Variants in DAB1 observed in about 807,000 individuals in gnomAD.
The protein encoded by DAB1 is DAB adaptor protein 1.
Under a neutral mutation model 64.6 loss-of-function variants are expected in DAB1, and 15 were observed. That is an observed-to-expected ratio of 0.23 (90% CI 0.16 to 0.36). The LOEUF (loss-of-function observed/expected upper bound fraction) is 0.36, where lower values mean the gene tolerates loss of function less well. Among genes scored for constraint, DAB1 ranks in the 10% least tolerant of loss-of-function variants. DAB1 has a pLI of 1.00. For synonymous variants in DAB1, 235 were observed against 251.9 expected, an observed-to-expected ratio of 0.93 and a Z score of 0.64; for missense variants, 596 against 706.7, an observed-to-expected ratio of 0.84 and a Z score of 1.78.
intron 7 of DAB1, among the ~76,000 whole-genome samples, chr1:57,465,157 G>A (rs896063913): frequency 6.6e-6 from 1 of 152,062 alleles, no homozygotes; most frequent in African/African-American, 2.4e-5. Context: ...GGAGAGTGAG[G>A]GTTTTACAAG....
intron 3 of DAB1, among the ~76,000 whole-genome samples, chr1:58,353,621 A>G (rs1644080127): frequency 6.6e-6 from 1 of 152,192 alleles, no homozygotes; most frequent in Non-Finnish European, 1.5e-5. Context: ...ACATACTCAA[A>G]AAGATTTTCC....
At chr1:57,108,065 C>A (rs1251357334) in intron 4 of DAB1, among the ~76,000 whole-genome samples, 1 of 152,090 alleles carries the variant, frequency 6.6e-6, no homozygotes, top group African/African-American at 2.4e-5. Context: ...TTGGTTATGT[C>A]TTTTTTCCTG....
intron 6 of DAB1, among the ~76,000 whole-genome samples, chr1:57,691,380 C>T (rs1646762286): frequency 6.6e-6 from 1 of 152,130 alleles, no homozygotes; most frequent in Non-Finnish European, 1.5e-5. Context: ...CCTATCAGCA[C>T]TCTGTAAAAT....
chr1:57,669,051 G>A (rs531348832), intron 6 of DAB1, among the ~76,000 whole-genome samples: 2 of 152,234 alleles, frequency 1.3e-5, no homozygotes, highest in African/African-American at 2.4e-5. Context: ...CTAGGTGACT[G>A]AATCTTTAAT....
At position 58,321,774 on chromosome 1, in the gene DAB1, C is replaced by T. The variant is rs182630665; in HGVS notation, n.309+21578G>A. Among the ~76,000 whole-genome samples, 185 of 152,358 alleles carry T rather than the reference C, an allele frequency of 1.2e-3. 1 individual carries two copies. The highest frequency in any genetic ancestry group is 1.5e-3 in the Non-Finnish European group (101 of 68,024). On this transcript the variant is annotated intron_variant and non_coding_transcript_variant, in intron 4 of 20. Coordinates refer to the DAB1 transcript ENST00000485760. Reference sequence around the variant, plus strand: ...AGTGGCTGGGGAAGCTCCAACTGGGCGGAGCCCACTGCAGCTCTGCAAGGC... The same window carrying T: ...AGTGGCTGGGGAAGCTCCAACTGGGTGGAGCCCACTGCAGCTCTGCAAGGC...
intron 5 of DAB1, among the ~76,000 whole-genome samples, chr1:58,070,028 T>C (rs923981792): frequency 1.3e-5 from 2 of 152,172 alleles, no homozygotes; most frequent in African/African-American, 4.8e-5. Flanking sequence ...GGAAGCAGCA[T>C]GGAGAGAAGC....
intron 4 of DAB1, among the ~76,000 whole-genome samples, chr1:58,287,072 A>C (rs1661702454): frequency 6.6e-6 from 1 of 152,246 alleles, no homozygotes; most frequent in Non-Finnish European, 1.5e-5. Context: ...GCAGGAACAG[A>C]AAACAAAACA....
chr1:57,875,309 C>T (rs1644025931), intron 1 of DAB1: 3 of 152,226 alleles, frequency 2.0e-5, no homozygotes, highest in Admixed American at 6.6e-5. Flanking sequence ...TAAAACATCA[C>T]ACCTTGCTGC....
At chr1:57,514,668 C>G (rs1644443709) in intron 7 of DAB1, among the ~76,000 whole-genome samples, 1 of 152,142 alleles carries the variant, frequency 6.6e-6, no homozygotes, top group African/African-American at 2.4e-5. Context: ...GTTAGTGCCT[C>G]TGGGGGGATG....
At chr1:57,141,824 A>C (rs1658612668) in intron 3 of DAB1, among the ~76,000 whole-genome samples, 1 of 152,168 alleles carries the variant, frequency 6.6e-6, no homozygotes, top group African/African-American at 2.4e-5. Flanking sequence ...TGGGAGCTTA[A>C]GATCTAGTTT....
At chr1:57,924,456 A>AT (rs1186787904) in intron 5 of DAB1, among the ~76,000 whole-genome samples, 2 of 151,532 alleles carry the variant, frequency 1.3e-5, no homozygotes, top group South Asian at 2.1e-4. Context: ...GATGAGTTAC[A>AT]TTTTTTTTCA....
At chr1:57,586,194 G>A (rs776521122) in intron 7 of DAB1, among the ~76,000 whole-genome samples, 2 of 152,086 alleles carry the variant, frequency 1.3e-5, no homozygotes, top group Admixed American at 6.6e-5. Context: ...CAGAATAGTG[G>A]GATCTTACAG....
In DAB1 at chr1:57,009,321, C is replaced by T. The variant is rs369718612; in HGVS notation, c.*15+1359G>A. On this transcript the variant is annotated intron_variant, in intron 14 of 14. Transcript: ENST00000371236. ...ACTTTGCTTTCAATATATCAACTCC[C>T]GAAGTAGCTTTGCAAGAGTGAACTT... is the stretch of plus-strand genomic sequence containing the variant. Among the ~76,000 whole-genome samples, 62 of 152,284 alleles carry T rather than the reference C, an allele frequency of 4.1e-4. No homozygotes were observed. In the South Asian group the frequency reaches 0.012, roughly 29 times the overall value.
At chr1:57,272,837 G>T (rs554403142) in intron 2 of DAB1, among the ~76,000 whole-genome samples, 2 of 152,282 alleles carry the variant, frequency 1.3e-5, no homozygotes, top group South Asian at 4.1e-4. Flanking sequence ...GTTGGGTGTG[G>T]GGCGGGCAGT....
intron 1 of DAB1, among the ~76,000 whole-genome samples, chr1:58,530,014 G>T (rs1020375023): frequency 1.3e-5 from 2 of 152,018 alleles, no homozygotes; most frequent in East Asian, 1.9e-4. Flanking sequence ...CCAAGTAGCT[G>T]AGACTACAGG....
intron 5 of DAB1, among the ~76,000 whole-genome samples, chr1:57,995,810 T>C (rs544113822): frequency 6.6e-6 from 1 of 150,416 alleles, no homozygotes; most frequent in South Asian, 2.1e-4. Context: ...CTATTGAGAG[T>C]CTCAGGTTTC....
intron 4 of DAB1, among the ~76,000 whole-genome samples, chr1:58,293,234 T>A (rs1433343824): frequency 6.6e-6 from 1 of 152,200 alleles, no homozygotes; most frequent in African/African-American, 2.4e-5. Flanking sequence ...TATGCAGATA[T>A]CTTCATGACA....
At chr1:57,661,562 T>C (rs1328680483) in intron 6 of DAB1, among the ~76,000 whole-genome samples, 4 of 152,162 alleles carry the variant, frequency 2.6e-5, no homozygotes, top group Admixed American at 2.6e-4. Flanking sequence ...TAGAAGATAG[T>C]GTACAGTTGT....
At chr1:58,196,370 G>A (rs1657677212) in intron 4 of DAB1, among the ~76,000 whole-genome samples, 1 of 152,178 alleles carries the variant, frequency 6.6e-6, no homozygotes, top group African/African-American at 2.4e-5. Flanking sequence ...TATAACTTGA[G>A]TTTTTTCTTA....
Sources: allele counts gnomAD v4.1 joint callset (sites outside exome capture counted in the v4.1 genomes callset), GRCh38; gene constraint gnomAD v4.1.1; transcripts MANE v1.5; gene names NCBI Gene and HGNC (gene_info 2026-07-23, HGNC 2026-07-21).